The following TRIQK variants were observed in gnomAD, a reference collection of about 807,000 sequenced individuals.
TRIQK encodes triple QxxK/R motif-containing protein.
TRIQK carries 10 observed loss-of-function variants against 10.8 expected under a neutral mutation model. The ratio of observed to expected loss-of-function variants is 0.92; its 90% CI spans 0.57 to 1.57. The LOEUF (loss-of-function observed/expected upper bound fraction) is 1.57. Among genes scored for constraint, TRIQK ranks in the 40% most tolerant of loss-of-function variants. The probability of loss-of-function intolerance (pLI) is 0.00; values close to 1 mark genes in which losing one functional copy is unlikely to be tolerated. For missense variants in TRIQK, 107 were observed against 97.7 expected, an observed-to-expected ratio of 1.09 and a Z score of -0.40; for synonymous variants, 33 against 33.7, an observed-to-expected ratio of 0.98 and a Z score of 0.07.
At chr8:92,977,663 T>C (rs1812947077) in intron 1 of TRIQK, among the ~76,000 whole-genome samples, 1 of 152,146 alleles carries the variant, frequency 6.6e-6, no homozygotes, top group Admixed American at 6.6e-5. Flanking sequence ...GAAATTTGTT[T>C]TCATTATGTG....
intron 1 of TRIQK, among the ~76,000 whole-genome samples, chr8:93,016,653 A>G (rs1813386636): frequency 6.6e-6 from 1 of 152,232 alleles, no homozygotes; most frequent in Non-Finnish European, 1.5e-5. Context: ...GGCATGATGA[A>G]GATGAGAGAA....
intron 3 of TRIQK, among the ~76,000 whole-genome samples, chr8:92,911,602 T>C (rs1809569826): frequency 6.6e-6 from 1 of 151,262 alleles, no homozygotes; most frequent in Non-Finnish European, 1.5e-5. Context: ...ATGCAAATCG[T>C]AACCCAAAAA....
chr8:92,943,712 T>C (rs1811384754), intron 2 of TRIQK, among the ~76,000 whole-genome samples: 1 of 152,006 alleles, frequency 6.6e-6, no homozygotes, highest in South Asian at 2.1e-4. Flanking sequence ...CCTGAAACAA[T>C]AAAACTGCTA....
At position 92,947,875 on chromosome 8, in the gene TRIQK, T is replaced by C. The variant is rs142341432; in HGVS notation, c.-22+6531A>G. On this transcript the variant is annotated intron_variant, in intron 2 of 4. Coordinates refer to ENST00000521988, the MANE Select transcript of TRIQK (RefSeq NM_001171797.2). Reference sequence around the variant, plus strand: ...AACACTGAGATGACTTGAGGGACGGTAGAAGAAAACTAAGACAGGAAAAAA... The same window carrying C: ...AACACTGAGATGACTTGAGGGACGGCAGAAGAAAACTAAGACAGGAAAAAA... 8.3e-4 allele frequency among the ~76,000 whole-genome samples: 126 copies of C among 152,152 alleles called. 2 individuals are homozygous for C. The East Asian group carries it at 0.022, about 27-fold the overall frequency.
At chr8:93,017,144 AGAGAGAGAG>A (rs1813392400) in intron 1 of TRIQK, among the ~76,000 whole-genome samples, 1 of 119,492 alleles carries the variant, frequency 8.4e-6, no homozygotes, top group African/African-American at 2.7e-5. Flanking sequence ...AGAGAGAGAG[AGAGAGAGAG>A]AGAGAGAGAG....
rs145638688 is a variant in TRIQK, at chr8:92,986,842, G to A, written c.-181+30767C>T. Among the ~76,000 whole-genome samples the A allele has an allele frequency of 3.8e-3, 575 of 152,220 alleles. 1 individual carries two copies. The highest frequency in any genetic ancestry group is 6.8e-3 in the Middle Eastern group (2 of 294). ...GCAGAGACGTACACATCTGTAAAGG[G>A]AAATAATTGGGTGCCATCTAAGGAT... On this transcript the variant is annotated intron_variant, in intron 1 of 4. Transcript: ENST00000520686.
chr8:92,914,025 G>A (rs1293252392), intron 3 of TRIQK, among the ~76,000 whole-genome samples: 2 of 152,078 alleles, frequency 1.3e-5, no homozygotes, highest in Admixed American at 6.6e-5. Context: ...TATAGATGAC[G>A]GGTTGATGGG....
chr8:92,975,779 T>G lies in TRIQK; in HGVS notation c.-180-21215A>C, dbSNP rs550518511. 5.1e-4 allele frequency among the ~76,000 whole-genome samples: 77 copies of G among 152,002 alleles called. 1 individual carries two copies. Among genetic ancestry groups the G allele is most frequent in the Non-Finnish European group, 9.3e-4 (63 of 67,938 alleles). On this transcript the variant is annotated intron_variant, in intron 1 of 4. Coordinates refer to the TRIQK transcript ENST00000520686. ...GATTGAAGCCATTGATTAGAGTATT[T>G]TCTGTCTTTTCTAATATAGGAGATA... is the stretch of plus-strand genomic sequence containing the variant.
At chr8:92,983,235 C>T (rs894300122) in intron 1 of TRIQK, among the ~76,000 whole-genome samples, 1 of 152,004 alleles carries the variant, frequency 6.6e-6, no homozygotes, top group African/African-American at 2.4e-5. Flanking sequence ...AATAATGTCA[C>T]AGAAGACACA....
At chr8:92,962,718 T>C (rs1283298459) in intron 1 of TRIQK, among the ~76,000 whole-genome samples, 2 of 150,874 alleles carry the variant, frequency 1.3e-5, no homozygotes, top group African/African-American at 2.5e-5. Context: ...TTCACATTAC[T>C]CCACCGGTAG....
chr8:93,006,880 G>A (rs1463191803), intron 1 of TRIQK, among the ~76,000 whole-genome samples: 1 of 152,204 alleles, frequency 6.6e-6, no homozygotes, highest in African/African-American at 2.4e-5. Context: ...CCTAGCAGCA[G>A]GGGTGGCCAC....
At chr8:92,978,350 C>T (rs1312867237) in intron 1 of TRIQK, among the ~76,000 whole-genome samples, 1 of 152,102 alleles carries the variant, frequency 6.6e-6, no homozygotes, top group Non-Finnish European at 1.5e-5. Context: ...ATACTTGATG[C>T]CCAGTGCCTG....
At chr8:92,988,405 T>C (rs992361997) in intron 1 of TRIQK, among the ~76,000 whole-genome samples, 5 of 152,166 alleles carry the variant, frequency 3.3e-5, no homozygotes, top group African/African-American at 1.2e-4. Context: ...AAGAAAAGTA[T>C]GTATGTTTGT....
At chr8:92,887,199 A>G (rs1302425374) in intron 4 of TRIQK, among the ~76,000 whole-genome samples, 1 of 151,390 alleles carries the variant, frequency 6.6e-6, no homozygotes, top group Non-Finnish European at 1.5e-5. Context: ...CATTGTAAAG[A>G]AACAGTTGTA....
chr8:92,999,549 T>G (rs1813187173), intron 1 of TRIQK, among the ~76,000 whole-genome samples: 2 of 152,184 alleles, frequency 1.3e-5, no homozygotes, highest in Admixed American at 1.3e-4. Flanking sequence ...AATGGCCATG[T>G]TCCAGTGTCA....
rs540135259 is a variant in TRIQK, at chr8:92,911,957, A to T, written c.61+4972T>A. Among the ~76,000 whole-genome samples, 3 of 150,610 alleles carry T rather than the reference A, an allele frequency of 2.0e-5. No individual in the cohort carries two copies. The East Asian group carries it at 5.8e-4, about 29-fold the overall frequency. On this transcript the variant is annotated intron_variant, in intron 3 of 4. Coordinates refer to ENST00000521988, the MANE Select transcript of TRIQK (RefSeq NM_001171797.2). ...ATCAAAGAATCTAAATACATAAAAC[A>T]GCCATGGAACTGAAGAAATAGAAAG... is the stretch of plus-strand genomic sequence containing the variant.
chr8:93,011,302 TC>T (rs1332953198), intron 1 of TRIQK, among the ~76,000 whole-genome samples: 1 of 151,928 alleles, frequency 6.6e-6, no homozygotes, highest in Non-Finnish European at 1.5e-5. Context: ...TTGAATGATC[TC>T]ACTACACAGA....
intron 3 of TRIQK, among the ~76,000 whole-genome samples, chr8:92,914,566 T>C (rs1045312915): frequency 6.6e-6 from 1 of 152,130 alleles, no homozygotes; most frequent in African/African-American, 2.4e-5. Context: ...CATACCTGAC[T>C]AGAAAATGGT....
At chr8:92,993,903 T>C (rs762162094) in intron 1 of TRIQK, among the ~76,000 whole-genome samples, 1 of 152,124 alleles carries the variant, frequency 6.6e-6, no homozygotes, top group African/African-American at 2.4e-5. Context: ...GTAAGAGATA[T>C]TGATGATAAA....
Sources: allele counts gnomAD v4.1 joint callset (sites outside exome capture counted in the v4.1 genomes callset), GRCh38; gene constraint gnomAD v4.1.1; transcripts MANE v1.5; gene names NCBI Gene and HGNC (gene_info 2026-07-23, HGNC 2026-07-21).